Variants in RABGAP1 observed in about 807,000 individuals in gnomAD.
RABGAP1 encodes the protein rab GTPase-activating protein 1.
Under a neutral mutation model 137.6 loss-of-function variants are expected in RABGAP1, and 23 were observed. The ratio of observed to expected loss-of-function variants is 0.17; its 90% CI spans 0.12 to 0.24. The LOEUF (loss-of-function observed/expected upper bound fraction) is 0.24, where lower values mean the gene tolerates loss of function less well. RABGAP1 is among the 10% of genes least tolerant of loss of function. The pLI is 1.00. For missense variants in RABGAP1, 906 were observed against 1,275.8 expected, an observed-to-expected ratio of 0.71 and a Z score of 4.42; for synonymous variants, 451 against 450.7, an observed-to-expected ratio of 1.00 and a Z score of -0.01.
intron 19 of RABGAP1, among the ~76,000 whole-genome samples, chr9:123,086,384 A>C (rs1039012551): frequency 3.9e-5 from 6 of 152,214 alleles, no homozygotes. Context: ...AGGGGACAAC[A>C]ATGAGTGAGA....
chr9:123,015,414 AC>A lies in RABGAP1; in HGVS notation c.1550-128del, dbSNP rs200943516. 1.1e-3 allele frequency: 631 copies of A among 549,412 alleles called. 5 individuals are homozygous for A. The highest frequency in any genetic ancestry group is 0.011 in the African/African-American group (574 of 51,834). The allele number at this position is 549,412 out of a possible 1,614,324, so 34.0% of individuals were successfully genotyped here. A position where few individuals can be genotyped will look rare whatever the true frequency, so the allele number is the denominator to read the frequency against. ...ATTTTCTTTGTACCTATCCATAAAT[AC>A]TAAAAGAGAGAAATTATGACTTTAT... is the stretch of plus-strand genomic sequence containing the variant. On this transcript the variant is annotated intron_variant, in intron 11 of 25. Transcript: ENST00000373647.
At chr9:123,075,689 T>G (rs1039103891) in intron 17 of RABGAP1, among the ~76,000 whole-genome samples, 4 of 152,216 alleles carry the variant, frequency 2.6e-5, no homozygotes, top group African/African-American at 9.6e-5. Flanking sequence ...CATAAACTTT[T>G]CAGCTAATTA....
intron 1 of RABGAP1, among the ~76,000 whole-genome samples, chr9:122,955,005 T>TG (rs1459349200): frequency 6.6e-6 from 1 of 152,158 alleles, no homozygotes; most frequent in African/African-American, 2.4e-5. Context: ...TAGGAACAGA[T>TG]ATAAGGGCAA....
chr9:123,063,849 T>G (rs1447021944), intron 13 of RABGAP1, among the ~76,000 whole-genome samples: 1 of 152,208 alleles, frequency 6.6e-6, no homozygotes, highest in Middle Eastern at 3.2e-3. Flanking sequence ...TTTTAAACAG[T>G]TTTTTGAATA....
At chr9:122,953,222 G>C (rs1242538795) in intron 1 of RABGAP1, among the ~76,000 whole-genome samples, 1 of 152,136 alleles carries the variant, frequency 6.6e-6, no homozygotes, top group African/African-American at 2.4e-5. Flanking sequence ...TGAATTTGAA[G>C]TTAGTTTTTG....
chr9:123,035,741 C>G lies in RABGAP1; in HGVS notation c.1794+15282C>G, dbSNP rs544353312. ...AAATCTGGGACAGAATACTTTGACTCTAAACAATAGCATACAAATTATTCG... is the reference window on the plus strand; with the variant it reads ...AAATCTGGGACAGAATACTTTGACTGTAAACAATAGCATACAAATTATTCG... On this transcript the variant is annotated intron_variant, in intron 13 of 25. Coordinates refer to ENST00000373647, the MANE Select transcript of RABGAP1 (RefSeq NM_012197.4). 43 of 628,676 alleles carry G rather than the reference C, an allele frequency of 6.8e-5. No homozygotes were observed. The African/African-American group carries it at 7.1e-4, about 10-fold the overall frequency. 38.9% of individuals were successfully genotyped at this position (628,676 alleles called of 1,614,324 possible).
intron 11 of RABGAP1, among the ~76,000 whole-genome samples, chr9:123,011,007 CT>C (rs966578776): frequency 6.6e-4 from 94 of 141,380 alleles, no homozygotes; most frequent in South Asian, 2.2e-3. Flanking sequence ...TTCTTTGTTT[CT>C]TTTTTTTTTT....
At position 123,076,231 on chromosome 9, in the gene RABGAP1, C is replaced by G; in HGVS notation, c.2254-14C>G. On this transcript the variant is annotated splice_polypyrimidine_tract_variant and intron_variant, in intron 17 of 25. Transcript: ENST00000373647. ...TAAAAACTGACAGTGTTCTTTTTGTCTGTTCTCTTTCAGGGAATAAGTGTT... is the reference window on the plus strand; with the variant it reads ...TAAAAACTGACAGTGTTCTTTTTGTGTGTTCTCTTTCAGGGAATAAGTGTT... 1 of 1,607,728 alleles carries G rather than the reference C, an allele frequency of 6.2e-7. No individual in the cohort carries two copies. Among genetic ancestry groups the G allele is most frequent in the South Asian group, 1.1e-5 (1 of 90,182 alleles).
intron 2 of RABGAP1, among the ~76,000 whole-genome samples, chr9:122,974,647 A>G (rs1420146562): frequency 6.6e-6 from 1 of 152,120 alleles, no homozygotes; most frequent in African/African-American, 2.4e-5. Flanking sequence ...TAAAAAAATT[A>G]AAATAAAACC....
At chr9:123,030,483 C>T (rs1194513304) in intron 13 of RABGAP1, among the ~76,000 whole-genome samples, 1 of 152,110 alleles carries the variant, frequency 6.6e-6, no homozygotes, top group African/African-American at 2.4e-5. Flanking sequence ...TAGAAAGTTA[C>T]TCAGCCTTCA....
intron 21 of RABGAP1, among the ~76,000 whole-genome samples, chr9:123,097,083 T>C (rs905508239): frequency 6.6e-6 from 1 of 152,180 alleles, no homozygotes; most frequent in Non-Finnish European, 1.5e-5. Flanking sequence ...AGTCAGTCCT[T>C]CTTCAGTTAT....
chr9:123,041,393 T>C (rs537583728), intron 13 of RABGAP1, among the ~76,000 whole-genome samples: 1 of 152,290 alleles, frequency 6.6e-6, no homozygotes, highest in African/African-American at 2.4e-5. Flanking sequence ...ATTTTATAGG[T>C]GAGGAAACAT....
In RABGAP1 at chr9:123,070,498, G is replaced by C. The variant is rs1352844043; in HGVS notation, c.1983+74G>C. 4 of 1,605,952 alleles carry C rather than the reference G, an allele frequency of 2.5e-6. No individual in the cohort carries two copies. The highest frequency in any genetic ancestry group is 3.4e-6 in the Non-Finnish European group (4 of 1,176,586). ...TTATACTAACCTTAGGCTTGAGCAT[G>C]GTTTTATATTGGGTTTGGACAGACT... On this transcript the variant is annotated intron_variant, in intron 15 of 25. Coordinates refer to ENST00000373647, the MANE Select transcript of RABGAP1 (RefSeq NM_012197.4). The surrounding 1 kb of genome is among the most constrained non-coding windows in gnomAD (Gnocchi z 4.4).
intron 2 of RABGAP1, among the ~76,000 whole-genome samples, chr9:122,965,047 T>C (rs564368025): frequency 3.0e-4 from 45 of 151,968 alleles, no homozygotes; most frequent in African/African-American, 1.1e-3. Context: ...ACAACAAAAA[T>C]GCAATGAAAG....
At chr9:123,020,857 A>G (rs2031583393) in intron 13 of RABGAP1, 1 of 853,470 alleles carries the variant, frequency 1.2e-6, no homozygotes, top group Non-Finnish European at 1.4e-6. Context: ...CTGTAAGAAA[A>G]TAATTCTTTA....
intron 1 of RABGAP1, among the ~76,000 whole-genome samples, chr9:122,951,907 A>G (rs1370925721): frequency 6.6e-6 from 1 of 152,212 alleles, no homozygotes; most frequent in African/African-American, 2.4e-5. Flanking sequence ...ATGGAGATGC[A>G]TTTTATGCTG....
chr9:122,996,635 A>C, intron 8 of RABGAP1, 30 bp downstream of exon 8: 3 of 1,522,644 alleles, frequency 2.0e-6, no homozygotes, highest in Non-Finnish European at 2.7e-6. Flanking sequence ...AGAAAGTTAC[A>C]TACTATTTCC....
At chr9:123,015,695 C>A in intron 12 of RABGAP1, 59 bp downstream of exon 12, 1 of 1,180,776 alleles carries the variant, frequency 8.5e-7, no homozygotes, top group South Asian at 1.4e-5. Flanking sequence ...GGTAGAGAAT[C>A]TTACCTAACT....
chr9:123,010,597 A>G, intron 11 of RABGAP1, 69 bp downstream of exon 11: 2 of 1,414,608 alleles, frequency 1.4e-6, no homozygotes, highest in Admixed American at 1.9e-5. Flanking sequence ...AAATCGTATC[A>G]GGGGATTGAT....
Sources: gnomAD v4.1 joint callset for allele counts (sites outside exome capture counted in the v4.1 genomes callset) on GRCh38, gnomAD v4.1.1 for gene constraint, Gnocchi (gnomAD v3.1) non-coding constraint, MANE v1.5 for transcripts, NCBI Gene and HGNC (gene_info 2026-07-23, HGNC 2026-07-21) for gene names.